Variants in ABCB7 observed in about 807,000 individuals in gnomAD.
ABCB7 encodes ATP binding cassette subfamily B member 7, also known as iron-sulfur clusters transporter ABCB7, mitochondrial.
Under a neutral mutation model 54.4 loss-of-function variants are expected in ABCB7, and 7 were observed. That is an observed-to-expected ratio of 0.13 (90% CI 0.07 to 0.24). The LOEUF (loss-of-function observed/expected upper bound fraction) is 0.24, where lower values mean the gene tolerates loss of function less well. ABCB7 is among the 10% of genes least tolerant of loss of function. The pLI is 1.00. For missense variants in ABCB7, 356 were observed against 570.4 expected (o/e 0.62, Z 3.83); for synonymous variants, 218 against 207.1 (o/e 1.05, Z -0.45).
chrX:75,125,768 G>T (rs1454539347), intron 1 of ABCB7, among the ~76,000 whole-genome samples: 1 of 110,086 alleles, frequency 9.1e-6, no homozygotes, highest in Non-Finnish European at 1.9e-5. Flanking sequence ...TGCTGCTTTT[G>T]CCCAAACCAA....
Position 75,112,898 on chromosome X carries a change from G to A in ABCB7, c.321C>T (p.Asp107=). ...HGHAGGGLHT[D]PKEGLKDVDT... Reference sequence around the variant, plus strand: ...TACTGGCTCTTACCCCTTCTTTTGGGTCTGTGTGGAGTCCTCCTCCTGCAT... The same window carrying A: ...TACTGGCTCTTACCCCTTCTTTTGGATCTGTGTGGAGTCCTCCTCCTGCAT... Residue 107 remains aspartate (D), a synonymous_variant, in exon 3 of 16, where the codon GAC becomes GAT. Transcript: ENST00000373394. 8.3e-7 allele frequency: 1 copy of A among 1,209,210 alleles called. No homozygotes were observed.
intron 15 of ABCB7, among the ~76,000 whole-genome samples, chrX:75,056,502 T>C (rs2081241212): frequency 8.9e-6 from 1 of 111,754 alleles, no homozygotes; most frequent in Non-Finnish European, 1.9e-5. Flanking sequence ...TTTGTCCTCA[T>C]GACTTGTGTT....
chrX:75,067,368 C>A (rs900010900), intron 12 of ABCB7, among the ~76,000 whole-genome samples: 5 of 112,068 alleles, frequency 4.5e-5, no homozygotes, highest in African/African-American at 1.6e-4. Flanking sequence ...TGTTACAATG[C>A]CCAAAAGAAT....
intron 1 of ABCB7, among the ~76,000 whole-genome samples, chrX:75,153,881 T>G (rs1243311261): frequency 9.3e-6 from 1 of 108,060 alleles, no homozygotes; most frequent in Non-Finnish European, 1.9e-5. Context: ...GAATTTCATC[T>G]AAAAAAGTGC....
rs188860826 is a variant in ABCB7 at position 75,104,206 on chromosome X, G to T, written c.334-5145C>A. On this transcript the variant is annotated intron_variant, in intron 3 of 15. Coordinates refer to ENST00000373394, the MANE Select transcript of ABCB7 (RefSeq NM_001271696.3). ...GTGCTGAAAGTTTTTATTATGAAGA[G>T]ATTTTGAATTTTATCAAATGCTCTT... Among the ~76,000 whole-genome samples, 201 of 104,848 alleles carry T rather than the reference G, an allele frequency of 1.9e-3. 1 individual carries two copies. Among genetic ancestry groups the T allele is most frequent in the African/African-American group, 6.5e-3 (189 of 29,168 alleles). 91.0% of individuals were successfully genotyped at this position (104,848 alleles called of 115,157 possible).
chrX:75,067,768 A>G (rs1350270992), intron 12 of ABCB7, among the ~76,000 whole-genome samples: 1 of 111,207 alleles, frequency 9.0e-6, no homozygotes, highest in Non-Finnish European at 1.9e-5. Flanking sequence ...TACAGGTGTG[A>G]GCCACTGTGC....
chrX:75,098,102 A>G (rs1189774525), intron 4 of ABCB7, among the ~76,000 whole-genome samples: 1 of 111,211 alleles, frequency 9.0e-6, no homozygotes, highest in African/African-American at 3.3e-5. Flanking sequence ...TGGGGTCAGG[A>G]GTTAGAGACC....
In ABCB7 at chrX:75,062,346, T is replaced by C; in HGVS notation, c.1917A>G (p.Leu639=). The change falls in exon 14 of 16, where the codon TTA becomes TTG. Residue 639 remains leucine (L), a synonymous_variant. Coordinates refer to ENST00000373394, the MANE Select transcript of ABCB7 (RefSeq NM_001271696.3). ...AACTTACCTCTTCAGTAATCGAATCTAACGATGAAGTAGCTTCATCATAGA... is the reference window on the plus strand; with the variant it reads ...AACTTACCTCTTCAGTAATCGAATCCAACGATGAAGTAGCTTCATCATAGA... The part of the protein sequence containing the change: ...VILYDEATSS[L]DSITEETILG... The C allele has an allele frequency of 1.7e-6, 2 of 1,207,241 alleles. No individual in the cohort carries two copies. The highest frequency in any genetic ancestry group is 5.9e-5 in the East Asian group (2 of 33,789).
At chrX:75,141,139 A>C (rs929970519) in intron 1 of ABCB7, among the ~76,000 whole-genome samples, 1 of 111,855 alleles carries the variant, frequency 8.9e-6, no homozygotes, top group African/African-American at 3.2e-5. Flanking sequence ...ATTCTAAACC[A>C]AGCTTTGGAG....
chrX:75,146,373 G>A (rs60629909), intron 1 of ABCB7, among the ~76,000 whole-genome samples: 1 of 111,696 alleles, frequency 9.0e-6, no homozygotes, highest in African/African-American at 3.3e-5. Context: ...GCAATCCTAA[G>A]AAAAAAGAAT....
intron 4 of ABCB7, among the ~76,000 whole-genome samples, chrX:75,077,821 A>G (rs761633909): frequency 2.8e-4 from 31 of 111,237 alleles, no homozygotes; most frequent in Non-Finnish European, 4.9e-4. Context: ...GACTTCCAAA[A>G]TCTAATAGAA....
chrX:75,080,918 C>T (rs745713906), intron 4 of ABCB7, among the ~76,000 whole-genome samples: 6 of 110,989 alleles, frequency 5.4e-5, no homozygotes, highest in African/African-American at 2.0e-4. Flanking sequence ...ATATTTTCGC[C>T]CAGTCTACTG....
chrX:75,092,288 T>C (rs2081550315), intron 4 of ABCB7, among the ~76,000 whole-genome samples: 1 of 111,138 alleles, frequency 9.0e-6, no homozygotes, highest in African/African-American at 3.3e-5. Flanking sequence ...TATAGTCAAC[T>C]GATCTTTCAC....
chrX:75,100,748 C>G (rs2081632437), intron 3 of ABCB7, among the ~76,000 whole-genome samples: 1 of 111,941 alleles, frequency 8.9e-6, no homozygotes, highest in East Asian at 2.8e-4. Context: ...CCTGCACATT[C>G]CACATGAGTA....
At chrX:75,056,601 G>A (rs985599699) in intron 15 of ABCB7, among the ~76,000 whole-genome samples, 1 of 111,502 alleles carries the variant, frequency 9.0e-6, no homozygotes, top group African/African-American at 3.3e-5. Context: ...TAGTGCCCAA[G>A]ATCTGGGTGC....
intron 1 of ABCB7, among the ~76,000 whole-genome samples, chrX:75,128,839 G>GA (rs1444497469): frequency 1.8e-5 from 2 of 111,841 alleles, no homozygotes; most frequent in Non-Finnish European, 3.8e-5. Context: ...ATAAACATCT[G>GA]AAAAAAAGCT....
At position 75,156,237 on chromosome X, in the gene ABCB7, C is replaced by G. The variant is rs1367038125; in HGVS notation, c.36G>C (p.Ala12=). ...ALLAMHSWRW[A]AAAAAFEKRR... ...GCTTTTCGAAAGCAGCCGCCGCGGC[C>G]GCCCAGCGCCAAGAATGCATCGCGA... Residue 12 remains alanine, a synonymous_variant, in exon 1 of 16, where the codon GCG becomes GCC. Transcript: ENST00000373394. The G allele has an allele frequency of 3.3e-6, 4 of 1,205,395 alleles. No homozygotes were observed. In the East Asian group the frequency reaches 1.2e-4, roughly 36 times the overall value.
intron 1 of ABCB7, among the ~76,000 whole-genome samples, chrX:75,151,075 A>T (rs1001073198): frequency 1.8e-5 from 2 of 111,235 alleles, no homozygotes; most frequent in Admixed American, 1.9e-4. Flanking sequence ...ATACGTATGT[A>T]TATTTTTCTA....
chrX:75,132,420 G>A (rs1265564417), intron 1 of ABCB7, among the ~76,000 whole-genome samples: 1 of 113,213 alleles, frequency 8.8e-6, no homozygotes, highest in Non-Finnish European at 1.9e-5. Context: ...GCCTGGGGCA[G>A]AGCCCCAAGG....
Sources: gnomAD v4.1 joint callset for allele counts (sites outside exome capture counted in the v4.1 genomes callset) on GRCh38, gnomAD v4.1.1 for gene constraint, MANE v1.5 for transcripts, NCBI Gene and HGNC (gene_info 2026-07-23, HGNC 2026-07-21) for gene names.